Variants in ZNF248 observed in about 807,000 individuals in gnomAD.
The protein encoded by ZNF248 is zinc finger protein 248.
A neutral mutation model predicts 44.3 loss-of-function variants in ZNF248; 20 were observed. The observed-to-expected ratio is 0.45, with a 90% confidence interval of 0.32 to 0.66. The LOEUF (loss-of-function observed/expected upper bound fraction) is 0.66, where lower values mean the gene tolerates loss of function less well. ZNF248 is among the 30% of genes least tolerant of loss of function. The pLI is 0.04. For missense variants in ZNF248, 654 were observed against 677.0 expected (o/e 0.97, Z 0.38); for synonymous variants, 224 against 229.0 (o/e 0.98, Z 0.20).
At position 37,831,893 on chromosome 10, in the gene ZNF248, CTGTG is replaced by C; in HGVS notation, c.1458_1461del (p.His486GlnfsTer17). ...TCATTACATATAAACGGTTTCTCCC[CTGTG>C]TGTGTTCTCTGATGCACAGTGAGGG... On this transcript the variant is annotated frameshift_variant, in exon 6 of 6. Coordinates refer to ENST00000395867, the MANE Select transcript of ZNF248 (RefSeq NM_021045.3). LOFTEE classifies it high-confidence loss of function. 1 of 1,613,790 alleles carries C rather than the reference CTGTG, an allele frequency of 6.2e-7. No individual in the cohort carries two copies.
rs1445495508 is a variant in ZNF248 at position 37,857,573 on chromosome 10, G to A, written c.-514C>T. ...GTGGATAATTGTGTCTAATTCATTT[G>A]TCGCGGACCTGGCGCAGTCGCTCTC... On this transcript the variant is annotated 5_prime_UTR_variant, in exon 1 of 6. Coordinates refer to ENST00000395867, the MANE Select transcript of ZNF248 (RefSeq NM_021045.3). The A allele has an allele frequency of 1.3e-5, 2 of 152,276 alleles. No homozygotes were observed. The highest frequency in any genetic ancestry group is 2.4e-5 in the African/African-American group (1 of 41,434). The allele number at this position is 152,276 out of a possible 1,614,324, so 9.4% of individuals were successfully genotyped here.
intron 6 of ZNF248, chr10:37,794,162 T>C (rs1205919917): frequency 6.6e-6 from 1 of 152,238 alleles, no homozygotes; most frequent in Non-Finnish European, 1.5e-5. Flanking sequence ...ATTTTCAACA[T>C]TTAAAAGACA....
At chr10:37,851,343 G>GA (rs2060193071) in intron 3 of ZNF248, among the ~76,000 whole-genome samples, 1 of 152,152 alleles carries the variant, frequency 6.6e-6, no homozygotes, top group African/African-American at 2.4e-5. Context: ...GGTACCAGGG[G>GA]AATCTACATT....
intron 3 of ZNF248, among the ~76,000 whole-genome samples, chr10:37,839,009 G>A (rs1451473942): frequency 6.6e-6 from 1 of 152,178 alleles, no homozygotes; most frequent in Non-Finnish European, 1.5e-5. Context: ...TTGGATTTCA[G>A]AAAGGTTCTG....
chr10:37,809,784 A>G (rs965437876), intron 6 of ZNF248, among the ~76,000 whole-genome samples: 4 of 151,508 alleles, frequency 2.6e-5, no homozygotes, highest in African/African-American at 9.7e-5. Context: ...TTTTTCTTTT[A>G]CTTATGGGTT....
At chr10:37,820,395 A>C in intron 6 of ZNF248, 1 of 1,498,172 alleles carries the variant, frequency 6.7e-7, no homozygotes, top group Non-Finnish European at 9.3e-7. Flanking sequence ...CATTGCTGAC[A>C]TGAGGCTGTT....
chr10:37,820,537 A>C, intron 6 of ZNF248: 1 of 1,601,794 alleles, frequency 6.2e-7, no homozygotes, highest in Non-Finnish European at 8.5e-7. Flanking sequence ...CTGGTGCAAC[A>C]CTTCTGCCAG....
intron 3 of ZNF248, among the ~76,000 whole-genome samples, chr10:37,854,246 A>G (rs776292299): frequency 3.9e-5 from 6 of 152,216 alleles, no homozygotes; most frequent in Non-Finnish European, 8.8e-5. Flanking sequence ...AATAAACTGG[A>G]CAACAAAAAT....
intron 6 of ZNF248, among the ~76,000 whole-genome samples, chr10:37,777,374 A>G (rs2046694549): frequency 6.6e-6 from 1 of 152,100 alleles, no homozygotes; most frequent in Non-Finnish European, 1.5e-5. Flanking sequence ...TTCTTTCAGG[A>G]CTTGCATAAA....
At chr10:37,825,023 T>TA (rs899339729), downstream of ZNF248, among the ~76,000 whole-genome samples, 7 of 150,388 alleles carry the variant, frequency 4.7e-5, no homozygotes, top group South Asian at 2.1e-4. Context: ...TTTGAAAACT[T>TA]AAAAAAAAAT....
At chr10:37,837,000 G>A (rs2057346753) in intron 5 of ZNF248, among the ~76,000 whole-genome samples, 1 of 149,970 alleles carries the variant, frequency 6.7e-6, no homozygotes, top group Non-Finnish European at 1.5e-5. Flanking sequence ...AATTTTAAAA[G>A]ATAAAGACAA....
chr10:37,807,103 C>T (rs2050690130), intron 6 of ZNF248, among the ~76,000 whole-genome samples: 2 of 152,090 alleles, frequency 1.3e-5, no homozygotes, highest in Admixed American at 1.3e-4. Flanking sequence ...CCTGTCTCAG[C>T]CTCCCGAGTA....
the ZNF248 span, among the ~76,000 whole-genome samples, chr10:37,770,096 A>G: frequency 2.0e-5 from 3 of 152,226 alleles, no homozygotes; most frequent in Non-Finnish European, 4.4e-5. Context: ...AAGGAGAACT[A>G]CAAACCACTG....
Position 37,832,696 on chromosome 10 carries a change from C to G in ZNF248, c.659G>C (p.Gly220Ala). 5 of 1,613,444 alleles carry G rather than the reference C, an allele frequency of 3.1e-6. No homozygotes were observed. Among genetic ancestry groups the G allele is most frequent in the Non-Finnish European group, 4.2e-6 (5 of 1,179,868 alleles). Residue 220 changes from glycine to alanine, a missense_variant, in exon 6 of 6, where the codon GGA (glycine) becomes GCA (alanine). Transcript: ENST00000395867. ...FGQSFEYSKN[G>A]QGFHDEAAFF... ...TGCTGCCTCATCATGGAAGCCTTGT[C>G]CATTTTTACTATACTCAAAAGATTG...
chr10:37,845,012 T>C (rs1441873286), intron 3 of ZNF248, among the ~76,000 whole-genome samples: 3 of 144,316 alleles, frequency 2.1e-5, no homozygotes, highest in African/African-American at 7.6e-5. Flanking sequence ...TCCTTCTCTC[T>C]CTTTCTTTCT....
chr10:37,839,067 C>G (rs984299661), intron 3 of ZNF248, among the ~76,000 whole-genome samples: 2 of 152,108 alleles, frequency 1.3e-5, no homozygotes, highest in Non-Finnish European at 2.9e-5. Context: ...TGAGCTATAA[C>G]CATAAGTAAT....
At chr10:37,812,610 G>A (rs1400217387) in intron 6 of ZNF248, among the ~76,000 whole-genome samples, 2 of 152,020 alleles carry the variant, frequency 1.3e-5, no homozygotes, top group African/African-American at 4.8e-5. Context: ...TTCTAGTAAG[G>A]GGCTGCCTTT....
At chr10:37,852,753 G>C (rs1282391996) in intron 3 of ZNF248, among the ~76,000 whole-genome samples, 2 of 150,320 alleles carry the variant, frequency 1.3e-5, no homozygotes, top group Non-Finnish European at 3.0e-5. Context: ...ATTTCATATA[G>C]AAACAGTACA....
intron 6 of ZNF248, among the ~76,000 whole-genome samples, chr10:37,802,338 G>GA (rs1217399323): frequency 2.0e-5 from 3 of 152,134 alleles, no homozygotes; most frequent in Non-Finnish European, 4.4e-5. Context: ...CACCTGCCTA[G>GA]AAAACTTGCA....
Sources: allele counts gnomAD v4.1 joint callset (sites outside exome capture counted in the v4.1 genomes callset), GRCh38; gene constraint gnomAD v4.1.1; transcripts MANE v1.5; gene names NCBI Gene and HGNC (gene_info 2026-07-23, HGNC 2026-07-21).